Variants in TMC1 observed in about 807,000 individuals in gnomAD.
TMC1 encodes the protein transmembrane channel like 1.
A neutral mutation model predicts 105.8 loss-of-function variants in TMC1; 84 were observed. The observed-to-expected ratio is 0.79, with a 90% confidence interval of 0.67 to 0.95. The LOEUF (loss-of-function observed/expected upper bound fraction) is 0.95, where lower values mean the gene tolerates loss of function less well. Among genes scored for constraint, TMC1 ranks in the 40% least tolerant of loss-of-function variants. The pLI is 0.00. For missense variants in TMC1, 817 were observed against 914.1 expected, an observed-to-expected ratio of 0.89 and a Z score of 1.37; for synonymous variants, 315 against 311.5, an observed-to-expected ratio of 1.01 and a Z score of -0.12.
chr9:72,749,137 T>C (rs112732890), intron 10 of TMC1, among the ~76,000 whole-genome samples: 3 of 152,308 alleles, frequency 2.0e-5, no homozygotes, highest in Middle Eastern at 3.4e-3. Context: ...TCTTTTGCAT[T>C]TAAGTATATT....
chr9:72,759,361 C>T (rs946426854), intron 12 of TMC1, among the ~76,000 whole-genome samples: 1 of 152,156 alleles, frequency 6.6e-6, no homozygotes, highest in African/African-American at 2.4e-5. Context: ...AAAAAAGTAG[C>T]TCCCCAAGTC....
chr9:72,522,567 G>A (rs1464853528), intron 1 of TMC1, among the ~76,000 whole-genome samples: 1 of 152,136 alleles, frequency 6.6e-6, no homozygotes, highest in Non-Finnish European at 1.5e-5. Context: ...AAGGAGAAAG[G>A]GAAGAAATAC....
At chr9:72,689,009 A>C (rs1009902594) in intron 6 of TMC1, among the ~76,000 whole-genome samples, 1 of 152,118 alleles carries the variant, frequency 6.6e-6, no homozygotes, top group Non-Finnish European at 1.5e-5. Context: ...AAGACATGTT[A>C]ATAGGAGAAA....
intron 15 of TMC1, 70 bp downstream of exon 15, chr9:72,789,387 G>A: frequency 1.3e-6 from 2 of 1,501,020 alleles, no homozygotes. Flanking sequence ...ATGTTTCTTT[G>A]ATGGAACATT....
chr9:72,747,656 G>C (rs761240331), intron 10 of TMC1, among the ~76,000 whole-genome samples: 1 of 152,058 alleles, frequency 6.6e-6, no homozygotes, highest in African/African-American at 2.4e-5. Context: ...GTGCAGTGGC[G>C]CAATCTCGGC....
chr9:72,820,579 TAGTA>T (rs1006960947), intron 19 of TMC1, among the ~76,000 whole-genome samples: 3 of 152,242 alleles, frequency 2.0e-5, no homozygotes, highest in African/African-American at 7.2e-5. Flanking sequence ...TCACTAATGA[TAGTA>T]GGTATAGTTA....
intron 1 of TMC1, among the ~76,000 whole-genome samples, chr9:72,557,088 A>G (rs1488343823): frequency 6.6e-6 from 1 of 151,950 alleles, no homozygotes; most frequent in East Asian, 1.9e-4. Flanking sequence ...AAGAAATGAC[A>G]GGACAGGTGG....
chr9:72,703,024 A>AT lies in TMC1; in HGVS notation c.362+2389dup, dbSNP rs1186345124. Among the ~76,000 whole-genome samples, 5 of 151,770 alleles carry AT rather than the reference A, an allele frequency of 3.3e-5. 1 individual carries two copies. The highest frequency in any genetic ancestry group is 4.2e-4 in the South Asian group (2 of 4,802). Reference sequence around the variant, plus strand: ...CATGTGTTTTGTTTCTTTTTCTTTTATTTTTTTTAACCGTGGCAATATATA... The same window carrying AT: ...CATGTGTTTTGTTTCTTTTTCTTTTATTTTTTTTTAACCGTGGCAATATATA... On this transcript the variant is annotated intron_variant, in intron 8 of 23. Coordinates refer to ENST00000297784, the MANE Select transcript of TMC1 (RefSeq NM_138691.3).
intron 1 of TMC1, among the ~76,000 whole-genome samples, chr9:72,565,753 A>G (rs184854413): frequency 1.3e-5 from 2 of 152,320 alleles, no homozygotes; most frequent in African/African-American, 2.4e-5. Context: ...CACATCTTAC[A>G]TGGTGGCAGG....
At chr9:72,736,194 G>A (rs529814575) in intron 8 of TMC1, among the ~76,000 whole-genome samples, 67 of 152,258 alleles carry the variant, frequency 4.4e-4, no homozygotes, top group Middle Eastern at 3.4e-3. Context: ...TAGCGTCAAG[G>A]AAAACTAACA....
chr9:72,808,340 G>A (rs1201480765), intron 18 of TMC1, among the ~76,000 whole-genome samples: 1 of 152,202 alleles, frequency 6.6e-6, no homozygotes, highest in Non-Finnish European at 1.5e-5. Context: ...CCTAGAGCTA[G>A]GAATGGCTGG....
chr9:72,647,953 A>C (rs1288428381), intron 4 of TMC1, among the ~76,000 whole-genome samples: 2 of 151,498 alleles, frequency 1.3e-5, no homozygotes, highest in African/African-American at 4.9e-5. Flanking sequence ...CATTCCAATC[A>C]AAGATCACTA....
chr9:72,552,709 ATT>A (rs911086837), intron 1 of TMC1, among the ~76,000 whole-genome samples: 1 of 152,190 alleles, frequency 6.6e-6, no homozygotes, highest in African/African-American at 2.4e-5. Flanking sequence ...ATTACTTGCT[ATT>A]TGTGAAACCA....
At chr9:72,830,088 G>A (rs1457021999) in intron 21 of TMC1, among the ~76,000 whole-genome samples, 1 of 152,154 alleles carries the variant, frequency 6.6e-6, no homozygotes, top group African/African-American at 2.4e-5. Flanking sequence ...TCCATTCTCT[G>A]GGATGCCATT....
chr9:72,648,736 T>G, intron 5 of TMC1, 72 bp downstream of exon 5: 1 of 1,412,384 alleles, frequency 7.1e-7, no homozygotes, highest in Non-Finnish European at 1.0e-6. Context: ...TTGAAAACTT[T>G]GGAAAGTTTG....
rs1400891423 is a variant in TMC1, at chr9:72,648,681, G to T, written c.16+17G>T. The T allele has an allele frequency of 3.7e-6, 6 of 1,607,702 alleles. No homozygotes were observed. Among genetic ancestry groups the T allele is most frequent in the South Asian group, 3.3e-5 (3 of 90,948 alleles). ...CCAAAAAAGGTATTTACAAAATCAA[G>T]ACTGTCTGTAGGACACTATGTCTTT... On this transcript the variant is annotated intron_variant, in intron 5 of 23. Coordinates refer to ENST00000297784, the MANE Select transcript of TMC1 (RefSeq NM_138691.3).
intron 1 of TMC1, among the ~76,000 whole-genome samples, chr9:72,547,514 A>T (rs1823792847): frequency 6.6e-6 from 1 of 152,166 alleles, no homozygotes; most frequent in Non-Finnish European, 1.5e-5. Context: ...CTTGGTCATG[A>T]TAGAGGTTCA....
chr9:72,757,421 A>G (rs1016859995), intron 12 of TMC1, among the ~76,000 whole-genome samples: 1 of 152,246 alleles, frequency 6.6e-6, no homozygotes, highest in Admixed American at 6.5e-5. Flanking sequence ...GAAATAGCAG[A>G]TAGCTCAGAG....
intron 2 of TMC1, among the ~76,000 whole-genome samples, chr9:72,593,461 T>C (rs1270866931): frequency 1.3e-5 from 2 of 152,080 alleles, no homozygotes; most frequent in African/African-American, 2.4e-5. Flanking sequence ...CGCAATGGCA[T>C]GATCTCAGCT....
Sources: gnomAD v4.1 joint callset for allele counts (sites outside exome capture counted in the v4.1 genomes callset) on GRCh38, gnomAD v4.1.1 for gene constraint, MANE v1.5 for transcripts, NCBI Gene and HGNC (gene_info 2026-07-23, HGNC 2026-07-21) for gene names.